Variants in PGR observed in about 807,000 individuals in gnomAD.
PGR encodes the protein progesterone receptor.
In PGR, 25 loss-of-function variants were observed where a neutral mutation model predicts 76.1. The ratio of observed to expected loss-of-function variants is 0.33; its 90% CI spans 0.24 to 0.46. PGR has a LOEUF of 0.46. PGR is among the 20% of genes least tolerant of loss of function. The pLI is 1.00. For missense variants in PGR, 1,172 were observed against 1,225.3 expected (o/e 0.96, Z 0.65); for synonymous variants, 579 against 535.0 (o/e 1.08, Z -1.14).
Position 101,126,082 on chromosome 11 carries a change from C to T in PGR, c.1714G>A (p.Asp572Asn). Residue 572 changes from aspartate (D) to asparagine (N), a missense_variant, in exon 2 of 8, where the codon GAT becomes AAT. Asp to Asn is a conservative substitution (Grantham distance 23). This residue lies in a region of PGR where 40 missense variants were observed against 82.7 expected (regional missense o/e 0.48). Coordinates refer to ENST00000325455, the MANE Select transcript of PGR (RefSeq NM_000926.4). ...CCATAATGACAGCCTGATGCTTCAT[C>T]CCCACAGATTAAACAAATCTTCTGA... ...LPQKICLICG[D>N]EASGCHYGVL... is the part of the protein sequence containing the mutation. The T allele has an allele frequency of 6.2e-7, 1 of 1,614,002 alleles. No homozygotes were observed. Among genetic ancestry groups the T allele is most frequent in the Non-Finnish European group, 8.5e-7 (1 of 1,179,890 alleles).
Position 101,059,862 on chromosome 11 carries a change from GA to G in PGR, c.2212+2584del, listed in dbSNP as rs762422702. Among the ~76,000 whole-genome samples the G allele has an allele frequency of 8.5e-3, 991 of 116,214 alleles. 22 individuals are homozygous for G. Among genetic ancestry groups the G allele is most frequent in the Middle Eastern group, 0.019 (4 of 206 alleles). The allele number at this position is 116,214 out of a possible 152,430, so 76.2% of individuals were successfully genotyped here. On this transcript the variant is annotated intron_variant, in intron 4 of 7. Coordinates refer to ENST00000325455, the MANE Select transcript of PGR (RefSeq NM_000926.4). ...TCTCTCAAAAAAAAAAAAAAAAAAAGAAAAAAAAGAAAAGAAACAAAAGGAT... is the reference window on the plus strand; with the variant it reads ...TCTCTCAAAAAAAAAAAAAAAAAAAGAAAAAAAGAAAAGAAACAAAAGGAT...
At chr11:101,125,913 A>G in intron 2 of PGR, 94 bp downstream of exon 2, 2 of 1,067,772 alleles carry the variant, frequency 1.9e-6, no homozygotes, top group Non-Finnish European at 2.8e-6. Context: ...ACCATTTCTT[A>G]TAAGAAACAA....
chr11:101,084,866 A>C (rs766643647), intron 3 of PGR, among the ~76,000 whole-genome samples: 8 of 152,204 alleles, frequency 5.3e-5, no homozygotes, highest in Non-Finnish European at 1.2e-4. Context: ...AACAGTAAAA[A>C]AGGAAAAATA....
chr11:101,087,340 C>T lies in PGR; in HGVS notation c.1906+4420G>A, dbSNP rs11827781. Among the ~76,000 whole-genome samples, 692 of 152,228 alleles carry T rather than the reference C, an allele frequency of 4.5e-3. 8 individuals are homozygous for T. The highest frequency in any genetic ancestry group is 0.016 in the African/African-American group (664 of 41,552). On this transcript the variant is annotated intron_variant, in intron 3 of 7. Transcript: ENST00000325455. ...AAAATAAGCAATGCAGAAAGGATTC[C>T]TTATTCAATAAATGGTGCTGGGATA...
At chr11:101,089,709 A>G (rs1861611791) in intron 3 of PGR, among the ~76,000 whole-genome samples, 1 of 145,116 alleles carries the variant, frequency 6.9e-6, no homozygotes, top group South Asian at 2.5e-4. Flanking sequence ...AGGAAAGAAG[A>G]AGGAAGGGAG....
intron 6 of PGR, among the ~76,000 whole-genome samples, chr11:101,048,043 T>G (rs572023183): frequency 5.3e-5 from 8 of 152,266 alleles, no homozygotes; most frequent in African/African-American, 1.9e-4. Context: ...GATCTAGCCT[T>G]CAAAATCTCT....
intron 2 of PGR, among the ~76,000 whole-genome samples, chr11:101,102,706 A>G (rs1424908247): frequency 6.6e-6 from 1 of 152,172 alleles, no homozygotes; most frequent in Non-Finnish European, 1.5e-5. Context: ...TTAGAGACCA[A>G]TATACTAAGC....
intron 3 of PGR, among the ~76,000 whole-genome samples, chr11:101,072,863 C>T (rs187932076): frequency 6.6e-6 from 1 of 152,274 alleles, no homozygotes; most frequent in Admixed American, 6.5e-5. Flanking sequence ...GACACCCACA[C>T]ATTAATGGGG....
intron 5 of PGR, among the ~76,000 whole-genome samples, chr11:101,050,779 C>A (rs1170645069): frequency 6.6e-6 from 1 of 152,056 alleles, no homozygotes; most frequent in Admixed American, 6.6e-5. Flanking sequence ...TCCTGAGACT[C>A]AGTTTTCTAA....
chr11:101,088,419 C>T (rs930569608), intron 3 of PGR, among the ~76,000 whole-genome samples: 9 of 152,242 alleles, frequency 5.9e-5, no homozygotes, highest in Admixed American at 5.9e-4. Flanking sequence ...GCAAGCTCCG[C>T]CTCCCAGGTT....
chr11:101,128,834 C>T lies in PGR; in HGVS notation c.237G>A (p.Ser79=). Residue 79 remains serine (S), a synonymous_variant, in exon 1 of 8, where the codon TCG becomes TCA. Transcript: ENST00000325455. ...AATATGCGCCCTCCACGTCCGACAG[C>T]GACTGCTGGTCCTGCGTCTTTTCGT... The part of the protein sequence containing the change: ...PSDEKTQDQQ[S]LSDVEGAYSR... 4.3e-6 allele frequency: 7 copies of T among 1,614,160 alleles called. No individual in the cohort carries two copies. The highest frequency in any genetic ancestry group is 5.9e-6 in the Non-Finnish European group (7 of 1,180,046).
intron 4 of PGR, 55 bp downstream of exon 4, chr11:101,062,392 T>C: frequency 7.6e-7 from 1 of 1,310,062 alleles, no homozygotes; most frequent in Admixed American, 1.7e-5. Context: ...AATGTACTAA[T>C]ACAACAAACA....
intron 3 of PGR, among the ~76,000 whole-genome samples, chr11:101,089,905 T>C (rs1861620924): frequency 6.6e-6 from 1 of 152,098 alleles, no homozygotes; most frequent in Non-Finnish European, 1.5e-5. Flanking sequence ...GATGCTTGAA[T>C]AATATGCTAA....
Position 101,035,335 on chromosome 11 carries a change from T to C in PGR, c.*3781A>G, listed in dbSNP as rs1859472597. On this transcript the variant is annotated 3_prime_UTR_variant, in exon 8 of 8. Transcript: ENST00000325455. Reference sequence around the variant, plus strand: ...ATGATTCATATTCTATCCTGACTTCTGATGTGTGAAGGATAAGTATGGATG... The same window carrying C: ...ATGATTCATATTCTATCCTGACTTCCGATGTGTGAAGGATAAGTATGGATG... The C allele has an allele frequency of 8.7e-6, 2 of 230,768 alleles. No individual in the cohort carries two copies. The highest frequency in any genetic ancestry group is 2.2e-5 in the African/African-American group (1 of 45,232). 14.3% of individuals were successfully genotyped at this position (230,768 alleles called of 1,614,324 possible). A position where few individuals can be genotyped will look rare whatever the true frequency, so the allele number is the denominator to read the frequency against.
At chr11:101,066,108 CATA>C (rs1860706094) in intron 3 of PGR, among the ~76,000 whole-genome samples, 2 of 152,296 alleles carry the variant, frequency 1.3e-5, no homozygotes, top group African/African-American at 4.8e-5. Context: ...CCCTCTCACA[CATA>C]ATGTATTCCG....
In PGR at chr11:101,041,834, C is replaced by T. The variant is rs191803027; in HGVS notation, c.2646+111G>A. 4.2e-5 allele frequency: 40 copies of T among 945,564 alleles called. 1 individual carries two copies. The South Asian group carries it at 5.6e-4, about 13-fold the overall frequency. 58.6% of individuals were successfully genotyped at this position (945,564 alleles called of 1,614,324 possible). On this transcript the variant is annotated intron_variant, in intron 7 of 7. Transcript: ENST00000325455. Reference sequence around the variant, plus strand: ...GCATGATCCAAACACTTTTAACATACAAGTATTAATCTGAGAAAATCATAC... The same window carrying T: ...GCATGATCCAAACACTTTTAACATATAAGTATTAATCTGAGAAAATCATAC...
rs1281056296 is a variant in PGR at position 101,036,765 on chromosome 11, A to G, written c.*2351T>C. 1 of 198,802 alleles carries G rather than the reference A, an allele frequency of 5.0e-6. No individual in the cohort carries two copies. The highest frequency in any genetic ancestry group is 1.0e-5 in the Non-Finnish European group (1 of 95,934). 12.3% of individuals were successfully genotyped at this position (198,802 alleles called of 1,614,324 possible). On this transcript the variant is annotated 3_prime_UTR_variant, in exon 8 of 8. Coordinates refer to ENST00000325455, the MANE Select transcript of PGR (RefSeq NM_000926.4). ...CAAAAGCCAAACCTGTGGCCACCAC[A>G]TTCTATTCCCTCATAGTTGAGTGAA...
intron 2 of PGR, 105 bp from the exon 3 acceptor site, chr11:101,091,981 A>C: frequency 2.8e-6 from 2 of 711,108 alleles, no homozygotes; most frequent in Non-Finnish European, 5.1e-6. Context: ...CAGCAAGTGC[A>C]TGACTCAGCC....
chr11:101,097,674 T>G (rs542514625), intron 2 of PGR, among the ~76,000 whole-genome samples: 2 of 152,128 alleles, frequency 1.3e-5, no homozygotes, highest in Non-Finnish European at 2.9e-5. Flanking sequence ...ACCTTTTAAC[T>G]TTTTTTCTTA....
Sources: allele counts gnomAD v4.1 joint callset (sites outside exome capture counted in the v4.1 genomes callset), GRCh38; gene constraint gnomAD v4.1.1; regional missense constraint gnomAD v4.1.1; transcripts MANE v1.5; gene names NCBI Gene and HGNC (gene_info 2026-07-23, HGNC 2026-07-21).